The following ITPA variants were observed in gnomAD, a reference collection of about 807,000 sequenced individuals.
The protein encoded by ITPA is inosine triphosphate pyrophosphatase.
ITPA carries 29 observed loss-of-function variants against 29.6 expected under a neutral mutation model. The ratio of observed to expected loss-of-function variants is 0.98; its 90% CI spans 0.73 to 1.34. ITPA has a LOEUF of 1.34. ITPA is among the 40% of genes most tolerant of loss of function. The pLI is 0.00. For synonymous variants in ITPA, 103 were observed against 99.3 expected (o/e 1.04, Z -0.22); for missense variants, 241 against 251.5 (o/e 0.96, Z 0.28).
intron 6 of ITPA, 66 bp downstream of exon 6, chr20:3,218,698 C>T (rs112817108): frequency 1.6e-6 from 2 of 1,244,732 alleles, no homozygotes; most frequent in Non-Finnish European, 2.3e-6. Flanking sequence ...CCGAGCCGAC[C>T]GCCCCGAGTC....
rs906729724 is a variant in ITPA, at chr20:3,218,303, C to T, written c.296-214C>T. Among the ~76,000 whole-genome samples the T allele has an allele frequency of 4.6e-5, 7 of 152,204 alleles. No homozygotes were observed. The East Asian group carries it at 1.3e-3, about 29-fold the overall frequency. On this transcript the variant is annotated intron_variant, in intron 5 of 7. Transcript: ENST00000380113. ...TCTGACTTTAAATAAAGCCTTGTAT[C>T]GTCAGCCTGTGCCAGAGGGAAGCGA...
rs138324501 is a variant in ITPA at position 3,223,651 on chromosome 20, G to C, written c.*189G>C. 6 of 625,040 alleles carry C rather than the reference G, an allele frequency of 9.6e-6. No individual in the cohort carries two copies. Among genetic ancestry groups the C allele is most frequent in the Non-Finnish European group, 1.7e-5 (6 of 346,316 alleles). The allele number at this position is 625,040 out of a possible 1,614,324, so 38.7% of individuals were successfully genotyped here. A position where few individuals can be genotyped will look rare whatever the true frequency, so the allele number is the denominator to read the frequency against. On this transcript the variant is annotated 3_prime_UTR_variant, in exon 8 of 8. Coordinates refer to ENST00000380113, the MANE Select transcript of ITPA (RefSeq NM_033453.4). ...CTCTGAGAAACTCTGGCAAGTGGAC[G>C]CCATTCTCTTGCCCTTAGGATTCAC...
chr20:3,220,821 G>A (rs988742882), intron 6 of ITPA, among the ~76,000 whole-genome samples: 1 of 152,010 alleles, frequency 6.6e-6, no homozygotes, highest in East Asian at 1.9e-4. Flanking sequence ...CTCCCCAAGC[G>A]CTGAGATTAC....
chr20:3,204,524 C>T (rs377676012), upstream of ITPA: 3 of 1,552,446 alleles, frequency 1.9e-6, no homozygotes, highest in African/African-American at 2.7e-5. Flanking sequence ...CCTGGTGCAG[C>T]GGCATCTCCT....
chr20:3,211,066 A>G (rs1235113005), intron 1 of ITPA, among the ~76,000 whole-genome samples: 1 of 105,780 alleles, frequency 9.5e-6, no homozygotes, highest in African/African-American at 3.7e-5. Flanking sequence ...TGTCTCAAAT[A>G]AAAAAAAAAA....
intron 1 of ITPA, among the ~76,000 whole-genome samples, chr20:3,212,937 G>T (rs1261576442): frequency 6.6e-6 from 1 of 151,968 alleles, no homozygotes; most frequent in East Asian, 1.9e-4. Context: ...TTCTGGATGG[G>T]GGCTTAGCAC....
At chr20:3,218,673 A>AG in intron 6 of ITPA, 41 bp downstream of exon 6, 1 of 1,514,492 alleles carries the variant, frequency 6.6e-7, no homozygotes, top group Non-Finnish European at 9.1e-7. Context: ...GCGCGCCGCC[A>AG]GGGGGTGCCG....
intron 1 of ITPA, among the ~76,000 whole-genome samples, chr20:3,210,307 T>C (rs1209373727): frequency 6.6e-6 from 1 of 152,232 alleles, no homozygotes. Flanking sequence ...GAAGCTGACT[T>C]GTCCTTGTTC....
chr20:3,215,374 G>A (rs2067270517), intron 5 of ITPA, 62 bp downstream of exon 5: 1 of 1,507,960 alleles, frequency 6.6e-7, no homozygotes, highest in African/African-American at 1.4e-5. Context: ...CTTTGTCTAG[G>A]GGAGGGACCC....
intron 1 of ITPA, among the ~76,000 whole-genome samples, chr20:3,212,565 C>T (rs2067198149): frequency 6.6e-6 from 1 of 152,182 alleles, no homozygotes; most frequent in Admixed American, 6.5e-5. Flanking sequence ...AAGCAATCTG[C>T]CCACCTTGGC....
In ITPA at chr20:3,223,456, A is replaced by G. The variant is rs754328088; in HGVS notation, c.579A>G (p.Ala193=). Residue 193 remains alanine, a synonymous_variant, in exon 8 of 8, where the codon GCA becomes GCG. Transcript: ENST00000380113. ...LELQEYFGSL[A]A ...TGCAGGAGTACTTTGGCAGTTTGGCAGCTTGACTTCTGCAGCTGGAGGAGG... is the reference window on the plus strand; with the variant it reads ...TGCAGGAGTACTTTGGCAGTTTGGCGGCTTGACTTCTGCAGCTGGAGGAGG... The G allele has an allele frequency of 1.9e-6, 3 of 1,612,142 alleles. No individual in the cohort carries two copies. The highest frequency in any genetic ancestry group is 1.1e-5 in the South Asian group (1 of 90,588).
intron 6 of ITPA, 44 bp from the exon 7 acceptor site, chr20:3,221,797 C>A: frequency 6.3e-7 from 1 of 1,579,750 alleles, no homozygotes; most frequent in Non-Finnish European, 8.7e-7. Flanking sequence ...TCGTGCTTGT[C>A]CTCTGGACCC....
At chr20:3,217,922 G>T (rs6037504) in intron 5 of ITPA, among the ~76,000 whole-genome samples, 89,063 of 146,474 alleles carry the variant, frequency 0.61, 27,823 homozygotes, top group African/African-American at 0.73. Flanking sequence ...TTTTGTTTTT[G>T]TTTTTTCTTT....
At chr20:3,214,693 T>C (rs1204775757) in intron 4 of ITPA, among the ~76,000 whole-genome samples, 1 of 151,874 alleles carries the variant, frequency 6.6e-6, no homozygotes. Flanking sequence ...CATTCTCCTG[T>C]CTCAGCCTCC....
chr20:3,216,157 G>GTTTTTTTTTT lies in ITPA; in HGVS notation c.295+856_295+865dup, dbSNP rs71331043. Among the ~76,000 whole-genome samples the GTTTTTTTTTT allele has an allele frequency of 4.8e-3, 522 of 109,212 alleles. 27 individuals carry two copies. The highest frequency in any genetic ancestry group is 0.019 in the African/African-American group (496 of 26,078). The allele number at this position is 109,212 out of a possible 152,430, so 71.6% of individuals were successfully genotyped here. ...AGGCATGCGCCAGCACGCTGGCTAA[G>GTTTTTTTTTT]TTTTTTTTTTTTTTTTTTTTGAGAC... On this transcript the variant is annotated intron_variant, in intron 5 of 7. Transcript: ENST00000380113.
At chr20:3,223,326 C>A (rs748020694) in intron 7 of ITPA, 40 bp from the exon 8 acceptor site, 1 of 1,503,360 alleles carries the variant, frequency 6.7e-7, no homozygotes, top group East Asian at 2.3e-5. Context: ...CACTTCCTTC[C>A]TGAATCTGGG....
intron 6 of ITPA, among the ~76,000 whole-genome samples, chr20:3,219,987 A>G (rs1432429882): frequency 1.4e-5 from 2 of 142,062 alleles, no homozygotes; most frequent in African/African-American, 5.3e-5. Flanking sequence ...CGGGACAGTG[A>G]GCTATGATCG....
At position 3,223,460 on chromosome 20, in the gene ITPA, T is replaced by C; in HGVS notation, c.583T>C (p.Ter195ArgextTer69). The C allele has an allele frequency of 6.2e-7, 1 of 1,611,314 alleles. No individual in the cohort carries two copies. Residue 195 changes from the stop codon to arginine, a stop_lost, in exon 8 of 8, where the codon TGA becomes CGA. Coordinates refer to ENST00000380113, the MANE Select transcript of ITPA (RefSeq NM_033453.4). ...LQEYFGSLAA[*>R] ...GGAGTACTTTGGCAGTTTGGCAGCT[T>C]GACTTCTGCAGCTGGAGGAGGCCCC... is the stretch of plus-strand genomic sequence containing the variant.
chr20:3,206,387 C>CAAAAAA (rs143721062), upstream of ITPA, among the ~76,000 whole-genome samples: 1 of 33,624 alleles, frequency 3.0e-5, no homozygotes, highest in Non-Finnish European at 5.7e-5. Flanking sequence ...GACTCAGTCT[C>CAAAAAA]AAAAAAAAAA....
Sources: allele counts gnomAD v4.1 joint callset (sites outside exome capture counted in the v4.1 genomes callset), GRCh38; gene constraint gnomAD v4.1.1; transcripts MANE v1.5; gene names NCBI Gene and HGNC (gene_info 2026-07-23, HGNC 2026-07-21).